Variants in MYO1H observed in about 807,000 individuals in gnomAD.
MYO1H encodes the protein unconventional myosin-Ih.
MYO1H carries 118 observed loss-of-function variants against 149.3 expected under a neutral mutation model. That is an observed-to-expected ratio of 0.79 (90% CI 0.68 to 0.92). The LOEUF is 0.92. Ranked by LOEUF, MYO1H falls within the 40% of genes least tolerant of loss-of-function variation. The probability of loss-of-function intolerance (pLI) is 0.00; values close to 1 mark genes in which losing one functional copy is unlikely to be tolerated. For missense variants in MYO1H, 1,212 were observed against 1,280.7 expected (o/e 0.95, Z 0.82); for synonymous variants, 447 against 465.2 (o/e 0.96, Z 0.50).
At position 109,406,070 on chromosome 12, in the gene MYO1H, G is replaced by A. The variant is rs1870371201; in HGVS notation, c.963+35G>A. On this transcript the variant is annotated intron_variant, in intron 8 of 31. Coordinates refer to ENST00000310903, the Ensembl canonical transcript of MYO1H. ...CTCTTTTGGAGAGGACAGAAGGAGGGGGATGGGTGGGAGAGAAGAGCGAGG... is the reference window on the plus strand; with the variant it reads ...CTCTTTTGGAGAGGACAGAAGGAGGAGGATGGGTGGGAGAGAAGAGCGAGG... 2.7e-6 allele frequency: 4 copies of A among 1,470,102 alleles called. No individual in the cohort carries two copies. The African/African-American group carries it at 4.2e-5, about 15-fold the overall frequency. 91.1% of individuals were successfully genotyped at this position (1,470,102 alleles called of 1,614,324 possible).
At chr12:109,413,069 C>T (rs1009959403) in intron 14 of MYO1H, among the ~76,000 whole-genome samples, 4 of 152,102 alleles carry the variant, frequency 2.6e-5, no homozygotes, top group Admixed American at 1.3e-4. Context: ...CTCCACCTCC[C>T]GGGTTCAAGT....
At chr12:109,315,333 A>G in the MYO1H span, among the ~76,000 whole-genome samples, 7 of 152,110 alleles carry the variant, frequency 4.6e-5, no homozygotes, top group Non-Finnish European at 5.9e-5. Context: ...TAGCCATTGG[A>G]CCTATGTTAT....
chr12:109,362,580 A>C lies in MYO1H; in HGVS notation c.12+14608A>C, dbSNP rs112243743. On this transcript the variant is annotated intron_variant, in intron 1 of 31. Transcript: ENST00000310903. Reference sequence around the variant, plus strand: ...GTATATTTGTGCTTGGGTTTGATGAAGAGGGGACAGTCATGCAGAAGTAGG... The same window carrying C: ...GTATATTTGTGCTTGGGTTTGATGACGAGGGGACAGTCATGCAGAAGTAGG... Among the ~76,000 whole-genome samples, 366 of 152,342 alleles carry C rather than the reference A, an allele frequency of 2.4e-3. 2 individuals carry two copies. The highest frequency in any genetic ancestry group is 8.4e-3 in the African/African-American group (349 of 41,574).
At chr12:109,426,852 A>G (rs1387548936) in intron 18 of MYO1H, among the ~76,000 whole-genome samples, 1 of 152,152 alleles carries the variant, frequency 6.6e-6, no homozygotes, top group Non-Finnish European at 1.5e-5. Context: ...GGCAGTGGGG[A>G]GGACTGTGGC....
chr12:109,314,030 G>A, the MYO1H span, among the ~76,000 whole-genome samples: 300 of 151,848 alleles, frequency 2.0e-3, 1 homozygote, highest in African/African-American at 6.4e-3. Flanking sequence ...GATTACAGGC[G>A]CGCACCACCA....
chr12:109,333,085 T>C, the MYO1H span, among the ~76,000 whole-genome samples: 1 of 152,148 alleles, frequency 6.6e-6, no homozygotes, highest in Non-Finnish European at 1.5e-5. Flanking sequence ...TTTGGGAGGC[T>C]GAGGTGGGTG....
At chr12:109,424,935 T>C in intron 17 of MYO1H, 107 bp downstream of exon 17, 4 of 797,962 alleles carry the variant, frequency 5.0e-6, no homozygotes, top group Non-Finnish European at 8.5e-6. Flanking sequence ...GAAGTATTAC[T>C]CTCTAACAGA....
intron 1 of MYO1H, among the ~76,000 whole-genome samples, chr12:109,375,225 T>C (rs1302877267): frequency 6.6e-6 from 1 of 150,602 alleles, no homozygotes; most frequent in Non-Finnish European, 1.5e-5. Flanking sequence ...CAATCTTGGC[T>C]CACTGCAGCC....
chr12:109,441,649 G>T, exon 26 of MYO1H: 1 of 1,613,210 alleles, frequency 6.2e-7, no homozygotes, highest in Non-Finnish European at 8.5e-7. Context: ...GAAATCTTCA[G>T]GGGAAGGAAA....
rs199911678 is a variant in MYO1H, at chr12:109,424,197, GTCAC to G, written c.1645-547_1645-544del. On this transcript the variant is annotated intron_variant, in intron 16 of 31. Transcript: ENST00000310903. ...TCTTTTTGAGACAGGTTCTCAGTCTGTCACTCAGGCTGGAGTGCAGTGGCGCAAT... is the reference window on the plus strand; with the variant it reads ...TCTTTTTGAGACAGGTTCTCAGTCTGTCAGGCTGGAGTGCAGTGGCGCAAT... Among the ~76,000 whole-genome samples the G allele has an allele frequency of 9.0e-4, 135 of 149,328 alleles. 2 individuals carry two copies. The highest frequency in any genetic ancestry group is 3.3e-3 in the African/African-American group (130 of 39,168).
intron 1 of MYO1H, among the ~76,000 whole-genome samples, chr12:109,369,490 T>A (rs1006560448): frequency 6.6e-6 from 1 of 152,184 alleles, no homozygotes; most frequent in African/African-American, 2.4e-5. Flanking sequence ...TGAGAGTGGC[T>A]TTTGCTTTTC....
chr12:109,368,141 G>A (rs926314850), intron 1 of MYO1H, among the ~76,000 whole-genome samples: 2 of 152,134 alleles, frequency 1.3e-5, no homozygotes, highest in African/African-American at 4.8e-5. Flanking sequence ...ATTATAAGCA[G>A]GAAGATGCCC....
At chr12:109,333,557 AC>A in the MYO1H span, among the ~76,000 whole-genome samples, 2 of 152,038 alleles carry the variant, frequency 1.3e-5, no homozygotes, top group Non-Finnish European at 2.9e-5. Flanking sequence ...ATGAACTGAG[AC>A]TGCAACCAGA....
intron 31 of MYO1H, 112 bp downstream of exon 31, chr12:109,445,724 C>T (rs1384428543): frequency 1.4e-6 from 2 of 1,407,440 alleles, no homozygotes; most frequent in Non-Finnish European, 1.8e-6. Context: ...ATTAATAGTT[C>T]ATTTCTGCCC....
At chr12:109,408,101 T>C in intron 10 of MYO1H, 188 bp downstream of exon 10, 2 of 718,242 alleles carry the variant, frequency 2.8e-6, no homozygotes, top group South Asian at 1.8e-5. Flanking sequence ...ACTTATACAA[T>C]GTGTTCCAAA....
intron 1 of MYO1H, among the ~76,000 whole-genome samples, chr12:109,365,481 T>G (rs1017299105): frequency 1.3e-5 from 2 of 152,174 alleles, no homozygotes; most frequent in Non-Finnish European, 2.9e-5. Context: ...GTCTCTTTCT[T>G]CTGGTACTTT....
intron 31 of MYO1H, chr12:109,446,329 G>A (rs1872477821): frequency 2.3e-5 from 22 of 960,928 alleles, no homozygotes; most frequent in Non-Finnish European, 2.7e-5. Flanking sequence ...TGCTGAAAAC[G>A]ACATGTTAAA....
At chr12:109,380,705 G>C (rs566419768) in intron 1 of MYO1H, among the ~76,000 whole-genome samples, 37 of 152,304 alleles carry the variant, frequency 2.4e-4, no homozygotes, top group African/African-American at 8.4e-4. Flanking sequence ...CCAGAATTTG[G>C]AAGGCCAAGG....
At chr12:109,394,011 G>A (rs2137039865) in intron 3 of MYO1H, among the ~76,000 whole-genome samples, 1 of 152,262 alleles carries the variant, frequency 6.6e-6, no homozygotes, top group Non-Finnish European at 1.5e-5. Flanking sequence ...CTTAAGAGGT[G>A]CAAATTTCTT....
Sources: gnomAD v4.1 joint callset for allele counts (sites outside exome capture counted in the v4.1 genomes callset) on GRCh38, gnomAD v4.1.1 for gene constraint, MANE v1.5 for transcripts, NCBI Gene and HGNC (gene_info 2026-07-23, HGNC 2026-07-21) for gene names.